PLCL1: variants seen among roughly 807,000 people sequenced by gnomAD.
The protein encoded by PLCL1 is phospholipase C like 1 (inactive).
In PLCL1, 41 loss-of-function variants were observed where a neutral mutation model predicts 84.4. That is an observed-to-expected ratio of 0.49 (90% confidence interval 0.38 to 0.63). The LOEUF (loss-of-function observed/expected upper bound fraction) is 0.63. Ranked by LOEUF, PLCL1 falls within the 30% of genes least tolerant of loss-of-function variation. The pLI is 0.00. For missense variants in PLCL1, 1,206 were observed against 1,367.8 expected, an observed-to-expected ratio of 0.88 and a Z score of 1.87; for synonymous variants, 490 against 488.3, an observed-to-expected ratio of 1.00 and a Z score of -0.05.
At chr2:198,039,344 G>A (rs145762807) in intron 1 of PLCL1, among the ~76,000 whole-genome samples, 4 of 152,258 alleles carry the variant, frequency 2.6e-5, no homozygotes, top group Non-Finnish European at 4.4e-5. Flanking sequence ...ACCTGTAGAC[G>A]TTTTAGGAGC....
At chr2:197,955,013 G>C (rs562826888) in intron 1 of PLCL1, among the ~76,000 whole-genome samples, 6 of 151,964 alleles carry the variant, frequency 3.9e-5, no homozygotes, top group Non-Finnish European at 7.4e-5. Context: ...CATTTTCTAG[G>C]CGGTGTATAT....
chr2:198,107,413 G>C (rs1693502276), intron 5 of PLCL1, among the ~76,000 whole-genome samples: 1 of 151,866 alleles, frequency 6.6e-6, no homozygotes, highest in African/African-American at 2.4e-5. Flanking sequence ...GGCCCTGTGT[G>C]ATTACCTGAT....
intron 1 of PLCL1, among the ~76,000 whole-genome samples, chr2:197,983,479 C>T (rs1297000510): frequency 5.3e-5 from 8 of 152,048 alleles, no homozygotes; most frequent in Non-Finnish European, 7.4e-5. Flanking sequence ...GTAATCCTCT[C>T]GCCTTGGCCT....
chr2:197,923,223 C>G (rs1265926170), intron 1 of PLCL1, among the ~76,000 whole-genome samples: 2 of 149,806 alleles, frequency 1.3e-5, no homozygotes, highest in African/African-American at 4.9e-5. Flanking sequence ...CCCCACCTCC[C>G]TCCCGGATGG....
chr2:198,025,877 T>C (rs1559078254), intron 1 of PLCL1, among the ~76,000 whole-genome samples: 1 of 152,136 alleles, frequency 6.6e-6, no homozygotes, highest in East Asian at 1.9e-4. Context: ...TGTGAATTTT[T>C]AAAATAGTGA....
chr2:198,024,957 C>CT (rs146750299), intron 1 of PLCL1, among the ~76,000 whole-genome samples: 2,590 of 151,966 alleles, frequency 0.017, 68 homozygotes, highest in African/African-American at 0.059. Context: ...CTCTGTGGTT[C>CT]TTTTTTTCCT....
At chr2:198,109,259 C>A (rs1574318732) in intron 5 of PLCL1, among the ~76,000 whole-genome samples, 1 of 151,756 alleles carries the variant, frequency 6.6e-6, no homozygotes, top group African/African-American at 2.4e-5. Context: ...GGAACGGTGT[C>A]TCCTCAAATG....
intron 1 of PLCL1, among the ~76,000 whole-genome samples, chr2:197,923,442 G>A (rs1574950850): frequency 6.8e-6 from 1 of 146,594 alleles, no homozygotes; most frequent in South Asian, 2.3e-4. Context: ...CTTCTCAGAC[G>A]GGGCGGCCGG....
chr2:198,019,145 A>G (rs185950428), intron 1 of PLCL1, among the ~76,000 whole-genome samples: 140 of 152,312 alleles, frequency 9.2e-4, no homozygotes, highest in African/African-American at 3.3e-3. Flanking sequence ...AAGGGGCCTG[A>G]CTGTTAGAAG....
chr2:197,872,221 CT>C (rs1254364014), intron 1 of PLCL1, among the ~76,000 whole-genome samples: 5 of 152,124 alleles, frequency 3.3e-5, no homozygotes, highest in Non-Finnish European at 5.9e-5. Context: ...CCTTAATTTA[CT>C]TTTAGGTAGC....
At chr2:198,132,478 C>T (rs1340255847) in intron 5 of PLCL1, among the ~76,000 whole-genome samples, 1 of 151,808 alleles carries the variant, frequency 6.6e-6, no homozygotes, top group Non-Finnish European at 1.5e-5. Flanking sequence ...TCCACATATT[C>T]AAAGTTCTAA....
chr2:197,906,579 T>C (rs1237724110), intron 1 of PLCL1, among the ~76,000 whole-genome samples: 1 of 152,146 alleles, frequency 6.6e-6, no homozygotes, highest in East Asian at 1.9e-4. Context: ...TTTAAACTAG[T>C]TTTTTCTAAT....
At chr2:197,826,681 A>G (rs4550664) in intron 1 of PLCL1, among the ~76,000 whole-genome samples, 40,565 of 152,120 alleles carry the variant, frequency 0.27, 6,633 homozygotes, top group East Asian at 0.5. Flanking sequence ...TTTGCAATAT[A>G]GAGATTCGAA....
intron 5 of PLCL1, among the ~76,000 whole-genome samples, chr2:198,126,467 A>G (rs935738008): frequency 6.6e-6 from 1 of 151,914 alleles, no homozygotes; most frequent in African/African-American, 2.4e-5. Flanking sequence ...AGGTCACATG[A>G]TTTGCTGCCT....
intron 1 of PLCL1, among the ~76,000 whole-genome samples, chr2:197,933,758 T>A (rs1210133247): frequency 6.6e-6 from 1 of 152,140 alleles, no homozygotes; most frequent in Non-Finnish European, 1.5e-5. Flanking sequence ...AGTACAGAGC[T>A]CTTTCTTATT....
chr2:198,128,269 G>A (rs1479028173), intron 5 of PLCL1, among the ~76,000 whole-genome samples: 1 of 152,160 alleles, frequency 6.6e-6, no homozygotes, highest in Non-Finnish European at 1.5e-5. Context: ...CCACCCAGTT[G>A]GGTTCACCTT....
At chr2:198,094,138 T>C (rs1046800162) in intron 3 of PLCL1, among the ~76,000 whole-genome samples, 2 of 152,134 alleles carry the variant, frequency 1.3e-5, no homozygotes, top group Non-Finnish European at 2.9e-5. Context: ...CTCAGCTCAC[T>C]GCAAGCTCCG....
At chr2:197,876,490 A>T (rs939383462) in intron 1 of PLCL1, among the ~76,000 whole-genome samples, 1 of 149,682 alleles carries the variant, frequency 6.7e-6, no homozygotes, top group Non-Finnish European at 1.5e-5. Context: ...CTTAGAGAAC[A>T]TTTTTTTTTT....
intron 1 of PLCL1, among the ~76,000 whole-genome samples, chr2:197,923,085 C>A (rs1276771692): frequency 7.5e-6 from 1 of 133,574 alleles, no homozygotes; most frequent in Non-Finnish European, 1.6e-5. Flanking sequence ...GAGGGCTGAC[C>A]CCCCCACCTC....
Sources: allele counts gnomAD v4.1 joint callset (sites outside exome capture counted in the v4.1 genomes callset), GRCh38; gene constraint gnomAD v4.1.1; transcripts MANE v1.5; gene names NCBI Gene and HGNC (gene_info 2026-07-23, HGNC 2026-07-21).